PIWIL4: variants seen among roughly 807,000 people sequenced by gnomAD.
PIWIL4 encodes the protein piwi-like protein 4.
A neutral mutation model predicts 100.9 loss-of-function variants in PIWIL4; 50 were observed. The observed-to-expected ratio is 0.50, with a 90% confidence interval of 0.39 to 0.63. PIWIL4 has a LOEUF of 0.63. PIWIL4 is among the 20% of genes least tolerant of loss of function. The pLI is 0.00. For synonymous variants in PIWIL4, 342 were observed against 367.5 expected (o/e 0.93, Z 0.79); for missense variants, 887 against 1,043.3 (o/e 0.85, Z 2.06).
At chr11:94,590,411 G>T (rs4256938) in intron 8 of PIWIL4, among the ~76,000 whole-genome samples, 2 of 151,964 alleles carry the variant, frequency 1.3e-5, no homozygotes, top group Non-Finnish European at 2.9e-5. Flanking sequence ...CTCCTTTGAC[G>T]TTTTCCTCCT....
At chr11:94,611,463 A>G (rs1298251141) in intron 15 of PIWIL4, among the ~76,000 whole-genome samples, 1 of 151,904 alleles carries the variant, frequency 6.6e-6, no homozygotes. Flanking sequence ...CTATATTTCA[A>G]TTTTGCAGTT....
Position 94,589,176 on chromosome 11 carries a change from C to T in PIWIL4, c.970C>T (p.His324Tyr). 1 of 1,613,416 alleles carries T rather than the reference C, an allele frequency of 6.2e-7. No homozygotes were observed. Among genetic ancestry groups the T allele is most frequent in the Non-Finnish European group, 8.5e-7 (1 of 1,179,420 alleles). The change falls in exon 8 of 20, where the codon CAC becomes TAC. Residue 324 changes from histidine (H) to tyrosine (Y), a missense_variant. His to Tyr is a moderately conservative substitution (Grantham distance 83). This residue lies in a region of PIWIL4 where 741 missense variants were observed against 930.0 expected (regional missense o/e 0.80). Coordinates refer to ENST00000299001, the MANE Select transcript of PIWIL4 (RefSeq NM_152431.3). ...CATTGACTGGTCAGTGAAGCCCACA[C>T]ACACCTTTCAGAAGCGGGATGGCAC... ...DDIDWSVKPT[H>Y]TFQKRDGTEI... is the part of the protein sequence containing the mutation.
chr11:94,600,507 G>A (rs1339308192), intron 11 of PIWIL4, among the ~76,000 whole-genome samples: 3 of 152,138 alleles, frequency 2.0e-5, no homozygotes, highest in South Asian at 2.1e-4. Flanking sequence ...CAAAGATCAC[G>A]TACTTTACAA....
At chr11:94,616,654 G>A in intron 16 of PIWIL4, 91 bp downstream of exon 16, 2 of 1,012,068 alleles carry the variant, frequency 2.0e-6, no homozygotes, top group Non-Finnish European at 3.0e-6. Flanking sequence ...ATAGGTCAGA[G>A]CAAACTCTCT....
intron 2 of PIWIL4, 71 bp from the exon 3 acceptor site, chr11:94,574,928 T>C: frequency 6.8e-7 from 1 of 1,472,516 alleles, no homozygotes; most frequent in Non-Finnish European, 9.4e-7. Flanking sequence ...AATGCATTTT[T>C]GACATAGTAG....
intron 11 of PIWIL4, among the ~76,000 whole-genome samples, chr11:94,601,408 T>C (rs1395548205): frequency 2.0e-5 from 3 of 152,160 alleles, no homozygotes; most frequent in African/African-American, 7.2e-5. Flanking sequence ...CTCTGAGATA[T>C]TTAGATGCTT....
At chr11:94,568,036 A>G (rs532347592) in intron 1 of PIWIL4, among the ~76,000 whole-genome samples, 1 of 151,982 alleles carries the variant, frequency 6.6e-6, no homozygotes, top group South Asian at 2.1e-4. Context: ...TTGAGCAACC[A>G]CTATAGAGAA....
At chr11:94,607,740 C>A in intron 14 of PIWIL4, 101 bp downstream of exon 14, 1 of 1,251,194 alleles carries the variant, frequency 8.0e-7, no homozygotes, top group Non-Finnish European at 1.1e-6. Context: ...ATTTGGTTTG[C>A]TTGTTTCTTG....
rs749619384 is a variant in PIWIL4, at chr11:94,585,466, G to A, written c.657G>A (p.Met219Ile). ...IFRKILKKLS[M>I]YQIGRNFYNP... ...GCAGGATCCTCAAAAAGTTGTCCATGTACCAAATTGGACGGAACTTCTATA... is the reference window on the plus strand; with the variant it reads ...GCAGGATCCTCAAAAAGTTGTCCATATACCAAATTGGACGGAACTTCTATA... The change falls in exon 6 of 20, where the codon ATG becomes ATA. Residue 219 changes from methionine (M) to isoleucine (I), a missense_variant. Met to Ile is a conservative substitution (Grantham distance 10). Around this residue, in one of 2 missense-constraint regions of PIWIL4, gnomAD observed 741 missense variants for 930.0 expected, o/e 0.80. Transcript: ENST00000299001. 2.6e-5 allele frequency: 42 copies of A among 1,610,098 alleles called. No individual in the cohort carries two copies. The highest frequency in any genetic ancestry group is 3.4e-5 in the Admixed American group (2 of 59,234).
chr11:94,596,997 A>G (rs1335954610), intron 10 of PIWIL4, among the ~76,000 whole-genome samples: 2 of 152,244 alleles, frequency 1.3e-5, no homozygotes, highest in African/African-American at 4.8e-5. Context: ...TGCCTGGCTT[A>G]CTGTGTGCTG....
intron 3 of PIWIL4, among the ~76,000 whole-genome samples, chr11:94,576,887 A>G (rs1034229659): frequency 2.0e-5 from 3 of 152,246 alleles, no homozygotes; most frequent in Non-Finnish European, 2.9e-5. Flanking sequence ...AGTAAGAACC[A>G]GACTGTTTCT....
rs528478135 is a variant in PIWIL4 at position 94,567,388 on chromosome 11, G to C, written c.-131G>C. ...CGGACGCATTTCCAGCCCCGGCGTT[G>C]GTTGTGGATGCTGGACATCCACCGC... On this transcript the variant is annotated 5_prime_UTR_variant, in exon 1 of 20. Transcript: ENST00000299001. The C allele has an allele frequency of 7.2e-5, 57 of 794,500 alleles. No homozygotes were observed. In the Admixed American group the frequency reaches 1.1e-3, roughly 16 times the overall value. 49.2% of individuals were successfully genotyped at this position (794,500 alleles called of 1,614,324 possible).
At chr11:94,619,624 A>C (rs540686516) in intron 17 of PIWIL4, 136 bp from the exon 18 acceptor site, 1 of 988,870 alleles carries the variant, frequency 1.0e-6, no homozygotes, top group Admixed American at 3.1e-5. Context: ...GAGGGATTGT[A>C]GGTAATTTTT....
intron 7 of PIWIL4, among the ~76,000 whole-genome samples, chr11:94,587,901 C>T (rs1001261682): frequency 8.2e-6 from 1 of 121,720 alleles, no homozygotes; most frequent in Non-Finnish European, 1.6e-5. Flanking sequence ...TAGATGACTT[C>T]CTGAGTACTA....
intron 14 of PIWIL4, 37 bp from the exon 15 acceptor site, chr11:94,608,546 C>T: frequency 6.4e-7 from 1 of 1,551,300 alleles, no homozygotes. Flanking sequence ...GAAATGATAC[C>T]TCATCCCATT....
At chr11:94,604,944 A>G (rs1948695275) in intron 13 of PIWIL4, among the ~76,000 whole-genome samples, 1 of 152,238 alleles carries the variant, frequency 6.6e-6, no homozygotes, top group Non-Finnish European at 1.5e-5. Flanking sequence ...ACTTAAATCA[A>G]ACTTATAGAA....
In PIWIL4 at chr11:94,605,227, C is replaced by T. The variant is rs567891055; in HGVS notation, c.1638+1171C>T. ...CAATTGTCACCTCTGTAGGAAAAGG[C>T]TCTACTGTCCTGCACTTAGTTGTCC... On this transcript the variant is annotated intron_variant, in intron 13 of 19. Coordinates refer to ENST00000299001, the MANE Select transcript of PIWIL4 (RefSeq NM_152431.3). 3.9e-5 allele frequency among the ~76,000 whole-genome samples: 6 copies of T among 152,316 alleles called. No individual in the cohort carries two copies. The South Asian group carries it at 1.2e-3, about 32-fold the overall frequency.
chr11:94,616,661 C>T lies in PIWIL4; in HGVS notation c.2014+98C>T, dbSNP rs973942206. Reference sequence around the variant, plus strand: ...AAGACCACATAGGTCAGAGCAAACTCTCTACACCTGTCTTTGTCAACTGTC... The same window carrying T: ...AAGACCACATAGGTCAGAGCAAACTTTCTACACCTGTCTTTGTCAACTGTC... On this transcript the variant is annotated intron_variant, in intron 16 of 19. Transcript: ENST00000299001. The T allele has an allele frequency of 1.6e-5, 14 of 892,666 alleles. 1 individual carries two copies. The highest frequency in any genetic ancestry group is 4.5e-4 in the Middle Eastern group (2 of 4,434). 55.3% of individuals were successfully genotyped at this position (892,666 alleles called of 1,614,324 possible).
intron 15 of PIWIL4, among the ~76,000 whole-genome samples, chr11:94,614,300 CTTT>C (rs57731239): frequency 8.3e-6 from 1 of 120,142 alleles, no homozygotes; most frequent in African/African-American, 3.2e-5. Context: ...TTTTTCTTTT[CTTT>C]TTTTTTTTTT....
Sources: allele counts gnomAD v4.1 joint callset (sites outside exome capture counted in the v4.1 genomes callset), GRCh38; gene constraint gnomAD v4.1.1; regional missense constraint gnomAD v4.1.1; transcripts MANE v1.5; gene names NCBI Gene and HGNC (gene_info 2026-07-23, HGNC 2026-07-21).